The following UBE2D1 variants were observed in gnomAD, a reference collection of about 807,000 sequenced individuals.
UBE2D1 encodes the protein ubiquitin-conjugating enzyme E2 D1.
UBE2D1 carries 9 observed loss-of-function variants against 24.6 expected under a neutral mutation model. The ratio of observed to expected loss-of-function variants is 0.37; its 90% CI spans 0.22 to 0.64. UBE2D1 has a LOEUF of 0.64. Ranked by LOEUF, UBE2D1 falls within the 30% of genes least tolerant of loss-of-function variation. The pLI is 0.64. For synonymous variants in UBE2D1, 57 were observed against 57.6 expected (o/e 0.99, Z 0.04); for missense variants, 87 against 177.1 (o/e 0.49, Z 2.89).
intron 3 of UBE2D1, among the ~76,000 whole-genome samples, chr10:58,361,765 C>A (rs1421108228): frequency 3.3e-5 from 5 of 151,358 alleles, no homozygotes; most frequent in Non-Finnish European, 7.4e-5. Context: ...TAATGGAGTG[C>A]CACAGCTCGC....
chr10:58,338,852 A>G (rs540786776), intron 1 of UBE2D1, among the ~76,000 whole-genome samples: 1 of 152,176 alleles, frequency 6.6e-6, no homozygotes, highest in African/African-American at 2.4e-5. Flanking sequence ...AAACATAGCA[A>G]CTCAGAGAAC....
chr10:58,343,332 A>G (rs1008723964), intron 1 of UBE2D1, among the ~76,000 whole-genome samples: 1 of 152,166 alleles, frequency 6.6e-6, no homozygotes, highest in African/African-American at 2.4e-5. Flanking sequence ...TTAAAATGGA[A>G]TAGAAAATAT....
Position 58,370,663 on chromosome 10 carries a change from C to CAA in UBE2D1, c.*1909_*1910dup, listed in dbSNP as rs11336978. ...GTTTCTTGAATATCTTCACTTTAAACAAAAAAAAAAAACAACTTTCATTTG... is the reference window on the plus strand; with the variant it reads ...GTTTCTTGAATATCTTCACTTTAAACAAAAAAAAAAAAAACAACTTTCATTTG... On this transcript the variant is annotated 3_prime_UTR_variant, in exon 7 of 7. Coordinates refer to ENST00000373910, the MANE Select transcript of UBE2D1 (RefSeq NM_003338.5). 0.011 allele frequency: 1,626 copies of CAA among 144,716 alleles called. 23 individuals carry two copies. Among genetic ancestry groups the CAA allele is most frequent in the African/African-American group, 0.038 (1,522 of 39,908 alleles). The allele number at this position is 144,716 out of a possible 1,614,324, so 9.0% of individuals were successfully genotyped here.
At position 58,364,848 on chromosome 10, in the gene UBE2D1, A is replaced by G. The variant is rs373707970; in HGVS notation, c.276A>G (p.Gln92=). 34 of 1,613,586 alleles carry G rather than the reference A, an allele frequency of 2.1e-5. No homozygotes were observed. The African/African-American group carries it at 2.3e-4, about 11-fold the overall frequency. The change falls in exon 5 of 7, where the codon CAA becomes CAG. Residue 92 remains glutamine, a synonymous_variant. Transcript: ENST00000373910. ...GSICLDILRS[Q]WSPALTVSKV... Reference sequence around the variant, plus strand: ...TTTGTCTCGATATTCTGAGGTCACAATGGTCACCAGCTCTGACTGTATCAA... The same window carrying G: ...TTTGTCTCGATATTCTGAGGTCACAGTGGTCACCAGCTCTGACTGTATCAA...
chr10:58,367,552 T>A (rs933041455), intron 5 of UBE2D1, among the ~76,000 whole-genome samples: 1 of 152,146 alleles, frequency 6.6e-6, no homozygotes, highest in Non-Finnish European at 1.5e-5. Context: ...AAAGAGTGTA[T>A]GAGCACAGTA....
In UBE2D1 at chr10:58,350,857, T is replaced by G. The variant is rs1185163507; in HGVS notation, c.25-10481T>G. The stretch of plus-strand genomic sequence containing the variant: ...AGTGTACTTACACAAACCTAGATGG[T>G]ACAGCCTACTATACATCTAGGCTAT... On this transcript the variant is annotated intron_variant, in intron 1 of 6. Coordinates refer to ENST00000373910, the MANE Select transcript of UBE2D1 (RefSeq NM_003338.5). Among the ~76,000 whole-genome samples, 4 of 152,192 alleles carry G rather than the reference T, an allele frequency of 2.6e-5. No individual in the cohort carries two copies. The East Asian group carries it at 7.7e-4, about 29-fold the overall frequency.
At chr10:58,354,063 TA>T (rs1201136244) in intron 1 of UBE2D1, among the ~76,000 whole-genome samples, 2 of 152,202 alleles carry the variant, frequency 1.3e-5, no homozygotes, top group Admixed American at 1.3e-4. Context: ...TAGCATTTAT[TA>T]AGCATCTATT....
At chr10:58,360,195 C>A (rs992636261) in intron 1 of UBE2D1, among the ~76,000 whole-genome samples, 1 of 152,206 alleles carries the variant, frequency 6.6e-6, no homozygotes, top group Admixed American at 6.5e-5. Context: ...TCACTCTTTT[C>A]CTCCAAAAGT....
intron 5 of UBE2D1, 76 bp from the exon 6 acceptor site, chr10:58,367,845 CTA>C (rs1840273437): frequency 2.1e-6 from 2 of 945,842 alleles, no homozygotes; most frequent in Non-Finnish European, 3.3e-6. Context: ...TCTATATTCA[CTA>C]AAATTATTTT....
chr10:58,363,917 T>C (rs1324079437), intron 4 of UBE2D1, among the ~76,000 whole-genome samples: 1 of 152,186 alleles, frequency 6.6e-6, no homozygotes, highest in Non-Finnish European at 1.5e-5. Flanking sequence ...ATTAAATTCC[T>C]TGCTTTTCTT....
chr10:58,368,122 T>C, intron 6 of UBE2D1, 106 bp downstream of exon 6: 1 of 785,880 alleles, frequency 1.3e-6, no homozygotes, highest in Non-Finnish European at 2.1e-6. Flanking sequence ...ATGGTTGTTA[T>C]ATGTATATTG....
At chr10:58,352,983 A>G (rs979986691) in intron 1 of UBE2D1, among the ~76,000 whole-genome samples, 1 of 152,112 alleles carries the variant, frequency 6.6e-6, no homozygotes, top group Non-Finnish European at 1.5e-5. Context: ...CTACTCTTGT[A>G]TTTCCTTGGA....
chr10:58,343,993 C>T (rs944362727), intron 1 of UBE2D1, among the ~76,000 whole-genome samples: 1 of 152,030 alleles, frequency 6.6e-6, no homozygotes, highest in African/African-American at 2.4e-5. Context: ...CAAAATGCTC[C>T]ATTTGCATAT....
At chr10:58,348,441 G>A (rs1039451915) in intron 1 of UBE2D1, among the ~76,000 whole-genome samples, 2 of 152,158 alleles carry the variant, frequency 1.3e-5, no homozygotes, top group Non-Finnish European at 2.9e-5. Flanking sequence ...TCACTGTCTT[G>A]TTTTAGGAAT....
chr10:58,335,935 C>T (rs1839899157), intron 1 of UBE2D1, among the ~76,000 whole-genome samples: 1 of 152,166 alleles, frequency 6.6e-6, no homozygotes, highest in Non-Finnish European at 1.5e-5. Context: ...AGGTTTTTTT[C>T]CCCCTCATGA....
intron 1 of UBE2D1, among the ~76,000 whole-genome samples, chr10:58,354,204 C>T (rs1231620758): frequency 2.6e-5 from 4 of 152,066 alleles, no homozygotes; most frequent in Non-Finnish European, 4.4e-5. Context: ...ACACTTGAGA[C>T]TCAAAGAGGT....
intron 3 of UBE2D1, among the ~76,000 whole-genome samples, chr10:58,362,442 G>A (rs912523026): frequency 1.3e-5 from 2 of 152,076 alleles, no homozygotes; most frequent in African/African-American, 4.8e-5. Flanking sequence ...AAAATACAAT[G>A]TATTTATATA....
intron 1 of UBE2D1, among the ~76,000 whole-genome samples, chr10:58,354,573 G>A (rs145867501): frequency 3.9e-5 from 6 of 152,120 alleles, no homozygotes; most frequent in Non-Finnish European, 7.4e-5. Context: ...ATATTTGGCC[G>A]GGCTCAGTGG....
intron 1 of UBE2D1, among the ~76,000 whole-genome samples, chr10:58,358,001 T>A (rs1027562438): frequency 6.6e-6 from 1 of 151,786 alleles, no homozygotes; most frequent in Non-Finnish European, 1.5e-5. Flanking sequence ...AATTAGTGCA[T>A]CAAAAATAAT....
Sources: allele counts gnomAD v4.1 joint callset (sites outside exome capture counted in the v4.1 genomes callset), GRCh38; gene constraint gnomAD v4.1.1; transcripts MANE v1.5; gene names NCBI Gene and HGNC (gene_info 2026-07-23, HGNC 2026-07-21).